LRRC49: variants seen among roughly 807,000 people sequenced by gnomAD.
The protein encoded by LRRC49 is leucine rich repeat containing 49.
In LRRC49, 50 loss-of-function variants were observed where a neutral mutation model predicts 83.3. The observed-to-expected ratio is 0.60, with a 90% CI of 0.48 to 0.76. LRRC49 has a LOEUF of 0.76. Ranked by LOEUF, LRRC49 falls within the 30% of genes least tolerant of loss-of-function variation. The pLI is 0.00. For synonymous variants in LRRC49, 286 were observed against 283.3 expected (o/e 1.01, Z -0.10); for missense variants, 704 against 809.1 (o/e 0.87, Z 1.58).
chr15:70,964,060 T>A, intron 9 of LRRC49, 128 bp downstream of exon 9: 1 of 796,450 alleles, frequency 1.3e-6, no homozygotes, highest in Non-Finnish European at 1.8e-6. Context: ...ATTGTATACT[T>A]CATAATTGCA....
chr15:70,954,236 T>C (rs2036320349), intron 8 of LRRC49, among the ~76,000 whole-genome samples: 1 of 152,216 alleles, frequency 6.6e-6, no homozygotes, highest in African/African-American at 2.4e-5. Context: ...ATTCTGCTTT[T>C]AATGCATCCA....
In LRRC49 at chr15:70,963,827, G is replaced by A. The variant is rs757246138; in HGVS notation, c.816G>A (p.Ser272=). ...VSCLADSSSL[S]DITFDGNPIA... ...GCCTTGCTGACTCTTCTTCCCTCTCGGACATCACCTTTGATGGCAATCCCA... is the reference window on the plus strand; with the variant it reads ...GCCTTGCTGACTCTTCTTCCCTCTCAGACATCACCTTTGATGGCAATCCCA... The change falls in exon 9 of 16, where the codon TCG becomes TCA. Residue 272 remains serine (S), a synonymous_variant. Coordinates refer to ENST00000260382, the MANE Select transcript of LRRC49 (RefSeq NM_017691.5). The A allele has an allele frequency of 9.3e-6, 15 of 1,613,192 alleles. No homozygotes were observed. The highest frequency in any genetic ancestry group is 5.3e-5 in the African/African-American group (4 of 74,790).
intron 7 of LRRC49, among the ~76,000 whole-genome samples, chr15:70,935,811 C>G (rs1337889958): frequency 6.6e-6 from 1 of 152,104 alleles, no homozygotes; most frequent in Non-Finnish European, 1.5e-5. Context: ...CTTTCCCTGT[C>G]TCAGCCTCTA....
At chr15:70,959,220 C>T (rs1159767850) in intron 8 of LRRC49, among the ~76,000 whole-genome samples, 8 of 152,194 alleles carry the variant, frequency 5.3e-5, no homozygotes, top group Non-Finnish European at 1.0e-4. Context: ...CGGCTGGATG[C>T]GGTGGCTCAC....
At chr15:70,977,699 A>G (rs879883593) in intron 9 of LRRC49, among the ~76,000 whole-genome samples, 6 of 152,174 alleles carry the variant, frequency 3.9e-5, no homozygotes, top group Non-Finnish European at 5.9e-5. Flanking sequence ...GACACTTTAA[A>G]TTCACTAAAA....
chr15:71,050,298 C>G lies in LRRC49; in HGVS notation c.*686C>G, dbSNP rs1036032322. 2 of 152,098 alleles carry G rather than the reference C, an allele frequency of 1.3e-5. No individual in the cohort carries two copies. The highest frequency in any genetic ancestry group is 2.9e-5 in the Non-Finnish European group (2 of 68,010). The allele number at this position is 152,098 out of a possible 1,614,324, so 9.4% of individuals were successfully genotyped here. ...AAGAAAATGTTTTGTCTTAGGAGATCCTGAATGACTATAAAATGCTGTTAC... is the reference window on the plus strand; with the variant it reads ...AAGAAAATGTTTTGTCTTAGGAGATGCTGAATGACTATAAAATGCTGTTAC... On this transcript the variant is annotated 3_prime_UTR_variant, in exon 16 of 16. Transcript: ENST00000260382.
Position 70,892,962 on chromosome 15 carries a change from TTC to T in LRRC49, c.48+24_48+25del. ...AACAACGTAAGTTGGGCCTTCTACTTTCTCTTTCTTCCCACTGGTACTCTTTC... is the reference window on the plus strand; with the variant it reads ...AACAACGTAAGTTGGGCCTTCTACTTTCTTTCTTCCCACTGGTACTCTTTC... On this transcript the variant is annotated intron_variant, in intron 1 of 15. Coordinates refer to ENST00000260382, the MANE Select transcript of LRRC49 (RefSeq NM_017691.5). 1.2e-6 allele frequency: 2 copies of T among 1,613,686 alleles called. No homozygotes were observed. The highest frequency in any genetic ancestry group is 1.7e-6 in the Non-Finnish European group (2 of 1,179,566).
rs147486504 is a variant in LRRC49, at chr15:70,978,743, G to A, written c.922-1358G>A. Among the ~76,000 whole-genome samples the A allele has an allele frequency of 1.9e-3, 286 of 152,228 alleles. No individual in the cohort carries two copies. The Middle Eastern group carries it at 0.02, about 11-fold the overall frequency. ...ACATTCATAGAGCTTATTTTATGGC[G>A]TGGGAGGCAAGAGGGATAGCACCAG... On this transcript the variant is annotated intron_variant, in intron 9 of 15. Coordinates refer to ENST00000260382, the MANE Select transcript of LRRC49 (RefSeq NM_017691.5).
intron 1 of LRRC49, among the ~76,000 whole-genome samples, chr15:70,862,766 G>A (rs1478214821): frequency 2.0e-5 from 3 of 151,974 alleles, no homozygotes; most frequent in Non-Finnish European, 2.9e-5. Context: ...CTCCCAACAG[G>A]TCTGGAGACT....
intron 5 of LRRC49, among the ~76,000 whole-genome samples, chr15:70,906,681 C>T (rs1269482298): frequency 1.3e-5 from 2 of 152,022 alleles, no homozygotes; most frequent in Non-Finnish European, 2.9e-5. Flanking sequence ...TTAACTTGTG[C>T]CTTGAAGGTA....
chr15:71,001,257 A>G (rs2141251428), intron 11 of LRRC49, among the ~76,000 whole-genome samples: 1 of 152,144 alleles, frequency 6.6e-6, no homozygotes, highest in Non-Finnish European at 1.5e-5. Flanking sequence ...CCCTAGTGCT[A>G]TTTATTGAGT....
chr15:70,892,609 C>G (rs755317145), upstream of LRRC49: 1 of 1,456,030 alleles, frequency 6.9e-7, no homozygotes, highest in Non-Finnish European at 9.0e-7. Context: ...GTGTGGCCAG[C>G]CTCTTCCCCA....
At chr15:71,003,497 C>G (rs1385086885) in intron 11 of LRRC49, among the ~76,000 whole-genome samples, 3 of 152,080 alleles carry the variant, frequency 2.0e-5, no homozygotes, top group Non-Finnish European at 4.4e-5. Context: ...GGTCAGATGA[C>G]CAGTTACCCA....
chr15:71,002,293 G>T (rs1344646083), intron 11 of LRRC49, among the ~76,000 whole-genome samples: 2 of 150,820 alleles, frequency 1.3e-5, no homozygotes, highest in Non-Finnish European at 3.0e-5. Flanking sequence ...GGGTTACAAT[G>T]TCTATAACCT....
chr15:70,854,125 C>T lies in LRRC49; in HGVS notation c.-299+656C>T, dbSNP rs937232796. 11 of 1,220,250 alleles carry T rather than the reference C, an allele frequency of 9.0e-6. No homozygotes were observed. In the African/African-American group the frequency reaches 1.4e-4, roughly 16 times the overall value. 75.6% of individuals were successfully genotyped at this position (1,220,250 alleles called of 1,614,324 possible). Reference sequence around the variant, plus strand: ...CTGCGGCGCCGCCGGGGTCCTCACGCCGCAAGGCCCAGCCAGCCGGTCGGC... The same window carrying T: ...CTGCGGCGCCGCCGGGGTCCTCACGTCGCAAGGCCCAGCCAGCCGGTCGGC... On this transcript the variant is annotated intron_variant, in intron 1 of 16. Coordinates refer to the LRRC49 transcript ENST00000544974.
At chr15:71,001,712 C>T (rs1389070044) in intron 11 of LRRC49, among the ~76,000 whole-genome samples, 2 of 151,396 alleles carry the variant, frequency 1.3e-5, no homozygotes, top group African/African-American at 4.8e-5. Flanking sequence ...TTTTGTGAGA[C>T]GGAGTCTCAC....
intron 5 of LRRC49, among the ~76,000 whole-genome samples, chr15:70,909,078 G>C (rs936733076): frequency 4.6e-5 from 7 of 152,082 alleles, no homozygotes; most frequent in Non-Finnish European, 7.4e-5. Flanking sequence ...CTGATTGAAG[G>C]GCCTTAAAGG....
Position 70,865,028 on chromosome 15 carries a change from C to T in LRRC49, c.-298-7880C>T, listed in dbSNP as rs117414121. Among the ~76,000 whole-genome samples, 5 of 152,268 alleles carry T rather than the reference C, an allele frequency of 3.3e-5. No individual in the cohort carries two copies. In the East Asian group the frequency reaches 9.6e-4, roughly 29 times the overall value. On this transcript the variant is annotated intron_variant, in intron 1 of 16. Transcript: ENST00000544974. ...AGCACAGTCATTTTCTTCCTTTTTT[C>T]TCCTGCTTCCATTCTGGAAGAAGCC...
intron 15 of LRRC49, among the ~76,000 whole-genome samples, chr15:71,040,028 T>C (rs1477608158): frequency 6.6e-6 from 1 of 152,200 alleles, no homozygotes; most frequent in African/African-American, 2.4e-5. Flanking sequence ...AAAAATATTG[T>C]CAGCCAGAAT....
Sources: gnomAD v4.1 joint callset for allele counts (sites outside exome capture counted in the v4.1 genomes callset) on GRCh38, gnomAD v4.1.1 for gene constraint, MANE v1.5 for transcripts, NCBI Gene and HGNC (gene_info 2026-07-23, HGNC 2026-07-21) for gene names.